DLG2: variants seen among roughly 807,000 people sequenced by gnomAD.
DLG2 encodes the protein discs large MAGUK scaffold protein 2, also known as disks large homolog 2.
DLG2 carries 45 observed loss-of-function variants against 132.5 expected under a neutral mutation model. The ratio of observed to expected loss-of-function variants is 0.34; its 90% CI spans 0.27 to 0.44. DLG2 has a LOEUF of 0.44. Ranked by LOEUF, DLG2 falls within the 20% of genes least tolerant of loss-of-function variation. The pLI, the probability that DLG2 is intolerant of heterozygous loss-of-function variation, is 1.00. For missense variants in DLG2, 1,045 were observed against 1,196.9 expected (o/e 0.87, Z 1.87); for synonymous variants, 424 against 419.6 (o/e 1.01, Z -0.13).
intron 6 of DLG2, among the ~76,000 whole-genome samples, chr11:84,862,110 G>A (rs925663866): frequency 5.9e-5 from 9 of 151,480 alleles, no homozygotes; most frequent in South Asian, 2.1e-4. Flanking sequence ...TGCGTGCAGC[G>A]CACCAGCATG....
intron 4 of DLG2, among the ~76,000 whole-genome samples, chr11:85,214,778 T>G (rs978241728): frequency 6.6e-6 from 1 of 152,222 alleles, no homozygotes; most frequent in Non-Finnish European, 1.5e-5. Flanking sequence ...ACTTGATTTT[T>G]TTATATACAT....
chr11:85,295,316 C>T (rs1043788555), intron 3 of DLG2, among the ~76,000 whole-genome samples: 23 of 152,194 alleles, frequency 1.5e-4, no homozygotes, highest in African/African-American at 4.8e-4. Context: ...AAAAAATTCC[C>T]AATATCTTCC....
At chr11:84,812,076 A>G (rs2076617139) in intron 6 of DLG2, among the ~76,000 whole-genome samples, 1 of 152,164 alleles carries the variant, frequency 6.6e-6, no homozygotes. Flanking sequence ...AGATATAGAT[A>G]AAAGCGTTTC....
chr11:83,617,731 G>C (rs1373081883), intron 19 of DLG2, among the ~76,000 whole-genome samples: 7 of 152,128 alleles, frequency 4.6e-5, no homozygotes, highest in African/African-American at 1.7e-4. Flanking sequence ...ATGGTGTTTA[G>C]GCTGGCTCCC....
intron 6 of DLG2, among the ~76,000 whole-genome samples, chr11:84,946,877 G>A (rs543309395): frequency 8.5e-5 from 13 of 152,246 alleles, no homozygotes; most frequent in Admixed American, 3.3e-4. Flanking sequence ...GGTGCTAGCC[G>A]GAACTCAGGT....
chr11:84,603,737 C>T (rs981523527), intron 6 of DLG2, among the ~76,000 whole-genome samples: 2 of 151,914 alleles, frequency 1.3e-5, no homozygotes, highest in Non-Finnish European at 2.9e-5. Flanking sequence ...TGGTTTATGA[C>T]AAGATTATCC....
intron 7 of DLG2, among the ~76,000 whole-genome samples, chr11:84,477,311 A>G (rs1374899633): frequency 6.6e-6 from 1 of 151,998 alleles, no homozygotes; most frequent in African/African-American, 2.4e-5. Context: ...CCTGGACAAC[A>G]TGGAGAAGCC....
intron 21 of DLG2, among the ~76,000 whole-genome samples, chr11:83,500,116 G>T (rs1754668133): frequency 6.6e-6 from 1 of 151,716 alleles, no homozygotes; most frequent in South Asian, 2.1e-4. Context: ...TCGGTACTTT[G>T]CATGCACTGT....
At chr11:83,525,976 G>A (rs894875407) in intron 21 of DLG2, among the ~76,000 whole-genome samples, 1 of 121,392 alleles carries the variant, frequency 8.2e-6, no homozygotes, top group Non-Finnish European at 1.9e-5. Context: ...CTAGAGAAAT[G>A]AGTCTCAGTT....
chr11:84,530,198 G>A (rs1295933036), intron 7 of DLG2, among the ~76,000 whole-genome samples: 1 of 152,110 alleles, frequency 6.6e-6, no homozygotes, highest in African/African-American at 2.4e-5. Context: ...CACCCAGAAA[G>A]ATAACTTAGG....
intron 11 of DLG2, among the ~76,000 whole-genome samples, chr11:84,057,281 TAGA>T (rs1336837641): frequency 6.6e-6 from 1 of 152,202 alleles, no homozygotes. Context: ...GCTGCTCAGC[TAGA>T]AGAAGGTCTA....
chr11:84,586,252 T>C (rs938279268), intron 6 of DLG2, among the ~76,000 whole-genome samples: 3 of 151,500 alleles, frequency 2.0e-5, no homozygotes, highest in Non-Finnish European at 4.4e-5. Context: ...TAAGGATATT[T>C]TATTAAATAT....
chr11:83,528,542 T>C (rs547231832), intron 21 of DLG2, among the ~76,000 whole-genome samples: 51 of 121,472 alleles, frequency 4.2e-4, no homozygotes, highest in Non-Finnish European at 3.0e-4. Context: ...CTCATTCAAA[T>C]ATTGCCTCTT....
chr11:84,509,781 A>G (rs2099252029), intron 7 of DLG2, among the ~76,000 whole-genome samples: 1 of 152,160 alleles, frequency 6.6e-6, no homozygotes, highest in Admixed American at 6.5e-5. Flanking sequence ...AATTGTGCAG[A>G]ATACAAAATA....
At chr11:84,754,411 A>G (rs1210286112) in intron 6 of DLG2, among the ~76,000 whole-genome samples, 1 of 152,194 alleles carries the variant, frequency 6.6e-6, no homozygotes, top group African/African-American at 2.4e-5. Context: ...CTGCTAGAAT[A>G]AAATAATCTG....
intron 4 of DLG2, among the ~76,000 whole-genome samples, chr11:85,238,272 C>A: frequency 6.7e-6 from 1 of 148,502 alleles, no homozygotes; most frequent in African/African-American, 2.5e-5. Flanking sequence ...GAGACAGAGT[C>A]TTGCTTTGTT....
intron 6 of DLG2, among the ~76,000 whole-genome samples, chr11:85,061,540 C>A (rs1289783479): frequency 6.6e-6 from 1 of 151,370 alleles, no homozygotes; most frequent in Non-Finnish European, 1.5e-5. Context: ...AGTCAAGGCT[C>A]AAAAAAATAA....
chr11:83,998,956 A>G (rs1423018677), intron 11 of DLG2, among the ~76,000 whole-genome samples: 1 of 152,194 alleles, frequency 6.6e-6, no homozygotes, highest in East Asian at 1.9e-4. Flanking sequence ...GGACTGAAGC[A>G]TAAGTAAGGT....
At chr11:84,231,464 G>T (rs2097092616) in intron 8 of DLG2, among the ~76,000 whole-genome samples, 1 of 152,094 alleles carries the variant, frequency 6.6e-6, no homozygotes, top group Non-Finnish European at 1.5e-5. Flanking sequence ...AAGAATGACT[G>T]GCTTTTGAAG....
Sources: gnomAD v4.1 joint callset for allele counts (sites outside exome capture counted in the v4.1 genomes callset) on GRCh38, gnomAD v4.1.1 for gene constraint, MANE v1.5 for transcripts, NCBI Gene and HGNC (gene_info 2026-07-23, HGNC 2026-07-21) for gene names.